The following DLGAP2 variants were observed in gnomAD, a reference collection of about 807,000 sequenced individuals.
DLGAP2 encodes disks large-associated protein 2.
In DLGAP2, 26 loss-of-function variants were observed where a neutral mutation model predicts 100.3. The ratio of observed to expected loss-of-function variants is 0.26; its 90% CI spans 0.19 to 0.36. The LOEUF is 0.36. Among genes scored for constraint, DLGAP2 ranks in the 10% least tolerant of loss-of-function variants. The pLI is 1.00. For synonymous variants in DLGAP2, 886 were observed against 630.1 expected (o/e 1.41, Z -6.08); for missense variants, 1,858 against 1,453.2 (o/e 1.28, Z -4.53).
chr8:1,087,553 C>CT (rs34152210), intron 2 of DLGAP2, among the ~76,000 whole-genome samples: 43,857 of 146,362 alleles, frequency 0.3, 7,771 homozygotes, highest in Non-Finnish European at 0.4. Flanking sequence ...CTCTCTCTCT[C>CT]TTTTTTTTTT....
intron 2 of DLGAP2, among the ~76,000 whole-genome samples, chr8:1,032,212 T>A (rs1340073958): frequency 6.6e-6 from 1 of 152,222 alleles, no homozygotes; most frequent in Non-Finnish European, 1.5e-5. Context: ...GAGCTCATAG[T>A]AGGAGGGGCA....
At chr8:1,041,297 G>C (rs1021281701) in intron 2 of DLGAP2, among the ~76,000 whole-genome samples, 1 of 152,130 alleles carries the variant, frequency 6.6e-6, no homozygotes, top group East Asian at 1.9e-4. Context: ...TTGGAGGTGC[G>C]TGGAGATCGC....
intron 2 of DLGAP2, among the ~76,000 whole-genome samples, chr8:1,096,058 CGTTT>C (rs569131903): frequency 1.5e-3 from 235 of 152,262 alleles, no homozygotes; most frequent in African/African-American, 5.3e-3. Context: ...TTGTTCAAAA[CGTTT>C]GTTTGTTCAG....
intron 8 of DLGAP2, among the ~76,000 whole-genome samples, chr8:1,640,556 C>G (rs1797873488): frequency 6.6e-6 from 1 of 152,180 alleles, no homozygotes; most frequent in Non-Finnish European, 1.5e-5. Context: ...AAACTGCCAA[C>G]CACCATGGCT....
chr8:1,552,211 T>C (rs991973390), intron 5 of DLGAP2, among the ~76,000 whole-genome samples: 2 of 152,192 alleles, frequency 1.3e-5, no homozygotes, highest in South Asian at 2.1e-4. Context: ...CGTGCCGACA[T>C]TGGGAAGCAC....
chr8:1,419,043 C>G (rs1361163156), intron 3 of DLGAP2, among the ~76,000 whole-genome samples: 1 of 152,272 alleles, frequency 6.6e-6, no homozygotes, highest in East Asian at 1.9e-4. Flanking sequence ...GCCATGTGGA[C>G]TCTCCGTGCC....
At chr8:1,511,822 C>G (rs886836622) in intron 4 of DLGAP2, among the ~76,000 whole-genome samples, 1 of 123,064 alleles carries the variant, frequency 8.1e-6, no homozygotes, top group East Asian at 2.5e-4. Flanking sequence ...TAAGGGCTGT[C>G]TAGTGTAAGA....
intron 4 of DLGAP2, among the ~76,000 whole-genome samples, chr8:1,512,235 C>T (rs1310312819): frequency 6.6e-6 from 1 of 152,212 alleles, no homozygotes; most frequent in African/African-American, 2.4e-5. Context: ...AGAATGTGTG[C>T]TCCTCCCCAT....
At chr8:1,330,434 AGTTCTGGGT>A (rs1801126464) in intron 3 of DLGAP2, among the ~76,000 whole-genome samples, 1 of 133,024 alleles carries the variant, frequency 7.5e-6, no homozygotes, top group African/African-American at 2.9e-5. Flanking sequence ...GCGGGGACTG[AGTTCTGGGT>A]GGGACTGAGT....
intron 3 of DLGAP2, among the ~76,000 whole-genome samples, chr8:1,445,253 A>C (rs1469401699): frequency 1.3e-5 from 1 of 79,784 alleles, no homozygotes; most frequent in Non-Finnish European, 2.2e-5. Context: ...CCCACCCCAC[A>C]ACAGTCCCCA....
At chr8:994,048 G>A (rs78286001) in intron 2 of DLGAP2, among the ~76,000 whole-genome samples, 2,137 of 152,174 alleles carry the variant, frequency 0.014, 19 homozygotes, top group Middle Eastern at 0.051. Flanking sequence ...CCCAGCAGGC[G>A]TTGCGTAGAC....
chr8:1,627,225 G>A (rs542214048), intron 7 of DLGAP2, among the ~76,000 whole-genome samples: 3 of 152,352 alleles, frequency 2.0e-5, no homozygotes, highest in South Asian at 4.1e-4. Context: ...GGGGGCCAGG[G>A]AAAGGCTCTG....
At chr8:1,070,326 C>T (rs1191915740) in intron 2 of DLGAP2, among the ~76,000 whole-genome samples, 6 of 152,152 alleles carry the variant, frequency 3.9e-5, no homozygotes, top group Non-Finnish European at 7.3e-5. Context: ...GGCCCTGTGT[C>T]CCGGGTGCCT....
chr8:1,531,233 AGCGTGT>A (rs760463881), intron 4 of DLGAP2, among the ~76,000 whole-genome samples: 203 of 116,728 alleles, frequency 1.7e-3, no homozygotes, highest in Middle Eastern at 4.0e-3. Context: ...ATTATTAGAG[AGCGTGT>A]GCGTGTGTGT....
At chr8:1,489,363 CTG>C (rs1799313058) in intron 3 of DLGAP2, among the ~76,000 whole-genome samples, 1 of 152,180 alleles carries the variant, frequency 6.6e-6, no homozygotes, top group African/African-American at 2.4e-5. Context: ...GAGCGAGGGA[CTG>C]TTGTTCTGTG....
chr8:989,890 TC>T lies in DLGAP2; in HGVS notation c.73+81925del, dbSNP rs563926389. 1.5e-3 allele frequency among the ~76,000 whole-genome samples: 222 copies of T among 152,282 alleles called. 2 individuals are homozygous for T. The highest frequency in any genetic ancestry group is 5.1e-3 in the African/African-American group (211 of 41,538). ...GTCACTTAAAAAATTATATGATTTT[TC>T]TAAGTCTTTTAAAAATAACTGAATT... On this transcript the variant is annotated intron_variant, in intron 2 of 14. Transcript: ENST00000637795.
chr8:1,509,998 C>T (rs556849132), intron 4 of DLGAP2, among the ~76,000 whole-genome samples: 1 of 152,260 alleles, frequency 6.6e-6, no homozygotes, highest in Non-Finnish European at 1.5e-5. Flanking sequence ...TCATGTGTTT[C>T]CCGAACATGA....
intron 2 of DLGAP2, among the ~76,000 whole-genome samples, chr8:1,213,915 C>T (rs1422207657): frequency 7.9e-5 from 12 of 152,202 alleles, no homozygotes; most frequent in Non-Finnish European, 2.9e-5. Flanking sequence ...TTTGCTGGCC[C>T]AGTTCCTTTT....
At chr8:1,070,117 C>T (rs759633271) in intron 2 of DLGAP2, among the ~76,000 whole-genome samples, 1 of 152,190 alleles carries the variant, frequency 6.6e-6, no homozygotes, top group Non-Finnish European at 1.5e-5. Flanking sequence ...TTGAGGAAAA[C>T]CTGAGAAGGT....
Sources: gnomAD v4.1 joint callset for allele counts (sites outside exome capture counted in the v4.1 genomes callset) on GRCh38, gnomAD v4.1.1 for gene constraint, MANE v1.5 for transcripts, NCBI Gene and HGNC (gene_info 2026-07-23, HGNC 2026-07-21) for gene names.